The following GABRG3 variants were observed in gnomAD, a reference collection of about 807,000 sequenced individuals.
GABRG3 encodes gamma-aminobutyric acid receptor subunit gamma-3.
A neutral mutation model predicts 48.8 loss-of-function variants in GABRG3; 25 were observed. The observed-to-expected ratio is 0.51, with a 90% confidence interval of 0.37 to 0.72. GABRG3 has a LOEUF of 0.72. GABRG3 is among the 30% of genes least tolerant of loss of function. The pLI is 0.00. For missense variants in GABRG3, 394 were observed against 577.9 expected, an observed-to-expected ratio of 0.68 and a Z score of 3.26; for synonymous variants, 227 against 217.6, an observed-to-expected ratio of 1.04 and a Z score of -0.38.
chr15:27,310,502 A>G (rs891471090), intron 3 of GABRG3, among the ~76,000 whole-genome samples: 1 of 152,138 alleles, frequency 6.6e-6, no homozygotes. Context: ...CAGCATATCT[A>G]CATTTATGGC....
chr15:27,156,357 C>G (rs988119047), intron 3 of GABRG3, among the ~76,000 whole-genome samples: 4 of 151,332 alleles, frequency 2.6e-5, no homozygotes, highest in African/African-American at 9.7e-5. Context: ...GTTAGGATGC[C>G]CCTTTACTTG....
intron 3 of GABRG3, among the ~76,000 whole-genome samples, chr15:27,237,486 C>T (rs760138663): frequency 1.3e-5 from 2 of 152,138 alleles, no homozygotes; most frequent in Non-Finnish European, 2.9e-5. Flanking sequence ...AGCCGGCAGT[C>T]GCCAACAGCC....
chr15:27,278,249 G>A (rs527444564), intron 3 of GABRG3, among the ~76,000 whole-genome samples: 2 of 151,928 alleles, frequency 1.3e-5, no homozygotes, highest in South Asian at 2.1e-4. Context: ...ACGAGGTTTC[G>A]CCATATTGAC....
At position 27,533,084 on chromosome 15, in the gene GABRG3, A is replaced by G; in HGVS notation, c.*203A>G. On this transcript the variant is annotated 3_prime_UTR_variant, in exon 10 of 10. Transcript: ENST00000615808. ...CACACACACATACATACACACACAC[A>G]GCTAATTGAGTTTTAAAGTAATATT... 1.9e-6 allele frequency: 1 copy of G among 531,672 alleles called. No homozygotes were observed. Among genetic ancestry groups the G allele is most frequent in the Non-Finnish European group, 3.3e-6 (1 of 300,648 alleles). The allele number at this position is 531,672 out of a possible 1,614,324, so 32.9% of individuals were successfully genotyped here.
At chr15:27,213,634 C>T (rs1418940014) in intron 3 of GABRG3, among the ~76,000 whole-genome samples, 1 of 152,214 alleles carries the variant, frequency 6.6e-6, no homozygotes. Context: ...ATGCTGGGGC[C>T]TTGTGCAGGG....
At chr15:27,495,838 T>A (rs1566866808) in intron 6 of GABRG3, among the ~76,000 whole-genome samples, 2 of 152,242 alleles carry the variant, frequency 1.3e-5, no homozygotes, top group Non-Finnish European at 1.5e-5. Flanking sequence ...CATCTGTTGA[T>A]TGTCCCTTTC....
chr15:27,206,557 TTTTA>T (rs1321820488), intron 3 of GABRG3, among the ~76,000 whole-genome samples: 1 of 152,214 alleles, frequency 6.6e-6, no homozygotes, highest in East Asian at 1.9e-4. Context: ...TGTAGATGTC[TTTTA>T]GGTCCATTTG....
intron 5 of GABRG3, among the ~76,000 whole-genome samples, chr15:27,410,845 C>CGTGTGTGT (rs61423614): frequency 2.9e-4 from 41 of 143,726 alleles, no homozygotes; most frequent in Middle Eastern, 3.5e-3. Context: ...TGCGCACGCT[C>CGTGTGTGT]GTGTGTGTGT....
At chr15:26,997,788 T>C (rs1303322335) in intron 2 of GABRG3, among the ~76,000 whole-genome samples, 1 of 152,352 alleles carries the variant, frequency 6.6e-6, no homozygotes, top group South Asian at 2.1e-4. Context: ...TTTTGTCCCA[T>C]GTTCAGCTAG....
chr15:27,250,258 T>C (rs1200812870), intron 3 of GABRG3, among the ~76,000 whole-genome samples: 1 of 152,114 alleles, frequency 6.6e-6, no homozygotes, highest in Non-Finnish European at 1.5e-5. Flanking sequence ...GAGAGTAAGC[T>C]CTGATCACCT....
chr15:27,335,557 T>C (rs1893936333), intron 5 of GABRG3, among the ~76,000 whole-genome samples: 1 of 152,164 alleles, frequency 6.6e-6, no homozygotes, highest in Non-Finnish European at 1.5e-5. Context: ...GGAAACATCA[T>C]TTAAGTCAAA....
intron 2 of GABRG3, among the ~76,000 whole-genome samples, chr15:27,023,671 A>G (rs1288908343): frequency 6.6e-6 from 1 of 152,160 alleles, no homozygotes; most frequent in African/African-American, 2.4e-5. Flanking sequence ...ATAATATTCC[A>G]TTGTCTATGT....
rs34901488 is a variant in GABRG3 at position 27,369,806 on chromosome 15, C to CAAAAAAAAAAAA, written c.574+40935_574+40946dup. ...TGGGCGACAGAGTGAGACTCCGTCT[C>CAAAAAAAAAAAA]AAAAAAAAAAAAAAAAAAAAAAAAA... On this transcript the variant is annotated intron_variant, in intron 5 of 9. Transcript: ENST00000615808. 2.4e-3 allele frequency among the ~76,000 whole-genome samples: 73 copies of CAAAAAAAAAAAA among 30,272 alleles called. 4 individuals are homozygous for CAAAAAAAAAAAA. Among genetic ancestry groups the CAAAAAAAAAAAA allele is most frequent in the African/African-American group, 6.6e-3 (73 of 11,136 alleles). The allele number at this position is 30,272 out of a possible 152,430, so 19.9% of individuals were successfully genotyped here. A position where few individuals can be genotyped will look rare whatever the true frequency, so the allele number is the denominator to read the frequency against.
intron 2 of GABRG3, among the ~76,000 whole-genome samples, chr15:26,997,050 GATTTATC>G (rs1157794210): frequency 6.6e-6 from 1 of 151,844 alleles, no homozygotes; most frequent in Non-Finnish European, 1.5e-5. Flanking sequence ...TTTTTCTATT[GATTTATC>G]CACAAGTTTG....
chr15:27,148,019 A>C (rs183520499), intron 3 of GABRG3, among the ~76,000 whole-genome samples: 1 of 152,102 alleles, frequency 6.6e-6, no homozygotes, highest in Admixed American at 6.5e-5. Context: ...TAACAAAACC[A>C]AAAGTTGTTT....
At chr15:27,461,368 T>C (rs1429767386) in intron 5 of GABRG3, among the ~76,000 whole-genome samples, 2 of 152,222 alleles carry the variant, frequency 1.3e-5, no homozygotes, top group East Asian at 3.9e-4. Context: ...AGTGCTGCAT[T>C]CCGTGCCATT....
At chr15:27,509,214 G>T (rs948164268) in intron 6 of GABRG3, among the ~76,000 whole-genome samples, 2 of 152,018 alleles carry the variant, frequency 1.3e-5, no homozygotes, top group Non-Finnish European at 2.9e-5. Context: ...CTCTGGTGAG[G>T]GAAAAAGCAA....
At chr15:27,233,988 A>T (rs923625609) in intron 3 of GABRG3, among the ~76,000 whole-genome samples, 1 of 152,210 alleles carries the variant, frequency 6.6e-6, no homozygotes, top group African/African-American at 2.4e-5. Flanking sequence ...TGAACCAAGC[A>T]TCTCTAATTC....
chr15:27,111,237 G>C lies in GABRG3; in HGVS notation c.270+84416G>C, dbSNP rs79262791. Among the ~76,000 whole-genome samples the C allele has an allele frequency of 2.0e-5, 3 of 152,202 alleles. No homozygotes were observed. In the East Asian group the frequency reaches 5.8e-4, roughly 29 times the overall value. Reference sequence around the variant, plus strand: ...TTGTGCGTGTGTTTTTTTAGTATCTGCTTTTGATTCAGTTTTAGAATTTTC... The same window carrying C: ...TTGTGCGTGTGTTTTTTTAGTATCTCCTTTTGATTCAGTTTTAGAATTTTC... On this transcript the variant is annotated intron_variant, in intron 3 of 9. Coordinates refer to ENST00000615808, the MANE Select transcript of GABRG3 (RefSeq NM_033223.5).
Sources: gnomAD v4.1 joint callset for allele counts (sites outside exome capture counted in the v4.1 genomes callset) on GRCh38, gnomAD v4.1.1 for gene constraint, MANE v1.5 for transcripts, NCBI Gene and HGNC (gene_info 2026-07-23, HGNC 2026-07-21) for gene names.